Variants in TNC observed in about 807,000 individuals in gnomAD.
The protein encoded by TNC is tenascin C.
TNC carries 109 observed loss-of-function variants against 202.4 expected under a neutral mutation model. The observed-to-expected ratio is 0.54, with a 90% CI of 0.46 to 0.63. The LOEUF (loss-of-function observed/expected upper bound fraction) is 0.63, where lower values mean the gene tolerates loss of function less well. Among genes scored for constraint, TNC ranks in the 30% least tolerant of loss-of-function variants. The pLI, the probability that TNC is intolerant of heterozygous loss-of-function variation, is 0.00. For synonymous variants in TNC, 1,007 were observed against 1,089.7 expected, an observed-to-expected ratio of 0.92 and a Z score of 1.50; for missense variants, 2,756 against 2,833.3, an observed-to-expected ratio of 0.97 and a Z score of 0.62.
chr9:115,095,452 ATATATG>A (rs1463330411), intron 1 of TNC, among the ~76,000 whole-genome samples: 1 of 87,520 alleles, frequency 1.1e-5, no homozygotes, highest in East Asian at 2.9e-4. Flanking sequence ...ATGTGTATAT[ATATATG>A]TATATATATA....
intron 12 of TNC, among the ~76,000 whole-genome samples, 182 bp downstream of exon 12, chr9:115,063,614 C>A (rs1038551186): frequency 6.6e-6 from 1 of 152,150 alleles, no homozygotes; most frequent in Non-Finnish European, 1.5e-5. Context: ...TTCCATGGAA[C>A]TGGGCTACAA....
At chr9:115,060,824 C>A (rs1007964746) in intron 13 of TNC, among the ~76,000 whole-genome samples, 4 of 152,096 alleles carry the variant, frequency 2.6e-5, no homozygotes, top group African/African-American at 9.7e-5. Flanking sequence ...CTTCTTCCAC[C>A]TTTTTCTGCT....
chr9:115,060,772 T>C (rs773325610), intron 13 of TNC, among the ~76,000 whole-genome samples: 5 of 152,212 alleles, frequency 3.3e-5, no homozygotes, highest in Non-Finnish European at 7.3e-5. Flanking sequence ...TTCTATCAGC[T>C]TTCAGGGATC....
chr9:115,094,368 A>C (rs1564135823), intron 1 of TNC, among the ~76,000 whole-genome samples: 1 of 152,202 alleles, frequency 6.6e-6, no homozygotes, highest in South Asian at 2.1e-4. Context: ...AGGTAAATTT[A>C]CTAGAACTAG....
intron 14 of TNC, among the ~76,000 whole-genome samples, chr9:115,057,998 G>A (rs1313790959): frequency 6.6e-6 from 1 of 152,098 alleles, no homozygotes; most frequent in East Asian, 1.9e-4. Context: ...GTAATTCTTG[G>A]TATTTTTTTC....
chr9:115,022,070 G>A (rs560752321), intron 27 of TNC, among the ~76,000 whole-genome samples: 2 of 152,326 alleles, frequency 1.3e-5, no homozygotes, highest in South Asian at 2.1e-4. Flanking sequence ...ACTCTTCAGC[G>A]AAGTCTGCAG....
At position 115,035,210 on chromosome 9, in the gene TNC, T is replaced by C. The variant is rs1237244619; in HGVS notation, c.5781A>G (p.Thr1927=). ...TGTTATATACTTAAAATACCTTGAC[T>C]GTGCCATCCACTGATTCATAGACCA... The part of the protein sequence containing the change: ...YLLVYESVDG[T]VKEVIVGPDT... The change falls in exon 22 of 28, where the codon ACA becomes ACG. Residue 1927 remains threonine (T), a synonymous_variant. Coordinates refer to ENST00000350763, the MANE Select transcript of TNC (RefSeq NM_002160.4). 1 of 1,610,572 alleles carries C rather than the reference T, an allele frequency of 6.2e-7. No homozygotes were observed. Among genetic ancestry groups the C allele is most frequent in the Non-Finnish European group, 8.5e-7 (1 of 1,178,664 alleles).
chr9:115,108,760 C>T (rs536704976), intron 1 of TNC, among the ~76,000 whole-genome samples: 1 of 152,140 alleles, frequency 6.6e-6, no homozygotes, highest in Non-Finnish European at 1.5e-5. Flanking sequence ...ATCATGAGGG[C>T]AGAGGCTTCA....
chr9:115,057,169 A>G lies in TNC; in HGVS notation c.4563T>C (p.Ser1521=). The change falls in exon 15 of 28, where the codon AGT becomes AGC. Residue 1521 remains serine, a synonymous_variant. Coordinates refer to ENST00000350763, the MANE Select transcript of TNC (RefSeq NM_002160.4). ...LAPSIRTKTI[S]ATATTEALPL... ...CACATGTACCTGTCGTGGCTGTGGCACTGATGGTTTTGGTCCGGATGCTGG... is the reference window on the plus strand; with the variant it reads ...CACATGTACCTGTCGTGGCTGTGGCGCTGATGGTTTTGGTCCGGATGCTGG... 1 of 1,613,192 alleles carries G rather than the reference A, an allele frequency of 6.2e-7. No homozygotes were observed. Among genetic ancestry groups the G allele is most frequent in the Non-Finnish European group, 8.5e-7 (1 of 1,179,450 alleles).
At chr9:115,026,726 G>A in intron 25 of TNC, 31 bp from the exon 26 acceptor site, 1 of 1,610,044 alleles carries the variant, frequency 6.2e-7, no homozygotes, top group Non-Finnish European at 8.5e-7. Context: ...TTGCTAAGAA[G>A]CACAGGTGAC....
chr9:115,102,721 CAGTT>C (rs1432062155), intron 1 of TNC, among the ~76,000 whole-genome samples: 1 of 152,198 alleles, frequency 6.6e-6, no homozygotes, highest in African/African-American at 2.4e-5. Context: ...AGTCTATAAA[CAGTT>C]GGTTTGCATA....
At chr9:115,047,422 G>A (rs1831290680) in intron 16 of TNC, among the ~76,000 whole-genome samples, 1 of 152,126 alleles carries the variant, frequency 6.6e-6, no homozygotes, top group Non-Finnish European at 1.5e-5. Context: ...GTTTCCCAAA[G>A]TGTGCTCACA....
rs1831191104 is a variant in TNC, at chr9:115,046,325, A to C, written c.5125+85T>G. ...TCAGAGCGCCAGCCTGCCTGCATCC[A>C]AAGCTCCTGTGATTACTCAGCCCTG... On this transcript the variant is annotated intron_variant, in intron 17 of 27. Coordinates refer to ENST00000350763, the MANE Select transcript of TNC (RefSeq NM_002160.4). The C allele has an allele frequency of 3.0e-5, 45 of 1,494,538 alleles. No homozygotes were observed. In the South Asian group the frequency reaches 5.4e-4, roughly 18 times the overall value. The allele number at this position is 1,494,538 out of a possible 1,614,324, so 92.6% of individuals were successfully genotyped here.
chr9:115,053,139 G>A, intron 15 of TNC: 2 of 615,828 alleles, frequency 3.2e-6, no homozygotes, highest in South Asian at 1.9e-5. Context: ...AGAAGAGACA[G>A]TATGTTAGGC....
intron 1 of TNC, among the ~76,000 whole-genome samples, chr9:115,095,097 C>T (rs1450400873): frequency 1.3e-5 from 2 of 152,000 alleles, no homozygotes; most frequent in Non-Finnish European, 2.9e-5. Context: ...TGATCACTTC[C>T]TGTTCCTTGT....
At chr9:115,051,311 C>T (rs1451649432) in intron 15 of TNC, among the ~76,000 whole-genome samples, 5 of 151,982 alleles carry the variant, frequency 3.3e-5, no homozygotes, top group East Asian at 1.9e-4. Context: ...CTTCCAACCC[C>T]GATCACATCT....
chr9:115,049,400 A>C (rs1228473938), intron 15 of TNC, among the ~76,000 whole-genome samples: 1 of 152,162 alleles, frequency 6.6e-6, no homozygotes, highest in African/African-American at 2.4e-5. Context: ...TGATACAGTA[A>C]GGTAGATATT....
intron 22 of TNC, among the ~76,000 whole-genome samples, chr9:115,034,514 A>T (rs1193223320): frequency 2.6e-5 from 4 of 152,256 alleles, no homozygotes; most frequent in Non-Finnish European, 5.9e-5. Flanking sequence ...TGTGCAGGAT[A>T]TAGAATAAAA....
chr9:115,058,013 T>C (rs1400223651), intron 14 of TNC, among the ~76,000 whole-genome samples: 3 of 152,240 alleles, frequency 2.0e-5, no homozygotes, highest in Non-Finnish European at 4.4e-5. Context: ...TTTTTCATAC[T>C]TTAGAGAAGG....
Sources: allele counts gnomAD v4.1 joint callset (sites outside exome capture counted in the v4.1 genomes callset), GRCh38; gene constraint gnomAD v4.1.1; transcripts MANE v1.5; gene names NCBI Gene and HGNC (gene_info 2026-07-23, HGNC 2026-07-21).